RPS6KA2: variants seen among roughly 807,000 people sequenced by gnomAD.
RPS6KA2 encodes ribosomal protein S6 kinase alpha-2.
A neutral mutation model predicts 91.8 loss-of-function variants in RPS6KA2; 42 were observed. That is an observed-to-expected ratio of 0.46 (90% CI 0.36 to 0.59). The LOEUF (loss-of-function observed/expected upper bound fraction) is 0.59, where lower values mean the gene tolerates loss of function less well. RPS6KA2 is among the 20% of genes least tolerant of loss of function. The probability of loss-of-function intolerance (pLI) is 0.00; values close to 1 mark genes in which losing one functional copy is unlikely to be tolerated. For missense variants in RPS6KA2, 798 were observed against 978.5 expected (o/e 0.82, Z 2.46); for synonymous variants, 414 against 393.6 (o/e 1.05, Z -0.61).
At chr6:166,453,037 A>G (rs1045059077) in intron 12 of RPS6KA2, among the ~76,000 whole-genome samples, 5 of 152,152 alleles carry the variant, frequency 3.3e-5, no homozygotes, top group East Asian at 1.9e-4. Context: ...GTCTCTACTA[A>G]AAATACAAAA....
At chr6:166,753,211 G>A (rs1777901704) in intron 2 of RPS6KA2, among the ~76,000 whole-genome samples, 2 of 152,114 alleles carry the variant, frequency 1.3e-5, no homozygotes, top group Admixed American at 1.3e-4. Flanking sequence ...GGTATAACCG[G>A]AGCACCCAGT....
At chr6:166,525,306 C>T (rs939789724) in intron 3 of RPS6KA2, among the ~76,000 whole-genome samples, 20 of 152,138 alleles carry the variant, frequency 1.3e-4, no homozygotes, top group African/African-American at 4.8e-4. Flanking sequence ...AATATGGAAG[C>T]TTTGTCAAGT....
At chr6:166,681,246 T>C (rs1484669661) in intron 2 of RPS6KA2, among the ~76,000 whole-genome samples, 1 of 152,154 alleles carries the variant, frequency 6.6e-6, no homozygotes, top group Non-Finnish European at 1.5e-5. Flanking sequence ...GCTTAAGAAA[T>C]AGATGCCATA....
intron 1 of RPS6KA2, among the ~76,000 whole-genome samples, chr6:166,609,883 A>G (rs972110636): frequency 6.6e-6 from 1 of 152,078 alleles, no homozygotes; most frequent in African/African-American, 2.4e-5. Flanking sequence ...GAAATTTACA[A>G]ACTGGAATAC....
At chr6:166,617,386 C>G (rs1026899696) in intron 1 of RPS6KA2, among the ~76,000 whole-genome samples, 1 of 152,012 alleles carries the variant, frequency 6.6e-6, no homozygotes. Flanking sequence ...CAAAGTTGTT[C>G]GGGGATTTTT....
chr6:166,450,857 C>A (rs1003451659), intron 13 of RPS6KA2, among the ~76,000 whole-genome samples: 25 of 151,978 alleles, frequency 1.6e-4, no homozygotes, highest in African/African-American at 6.0e-4. Flanking sequence ...AATGTGAGAC[C>A]ATCACAGGAA....
upstream of RPS6KA2, chr6:166,627,814 G>A (rs1300498893): frequency 6.6e-6 from 1 of 152,232 alleles, no homozygotes; most frequent in Non-Finnish European, 1.5e-5. Context: ...TTGTCATCAT[G>A]TTTTTCTCTG....
chr6:166,707,594 G>T (rs147006583), intron 2 of RPS6KA2, among the ~76,000 whole-genome samples: 119 of 152,264 alleles, frequency 7.8e-4, no homozygotes, highest in Middle Eastern at 6.8e-3. Context: ...AAGGCCCAGG[G>T]TCATTATAAA....
intron 14 of RPS6KA2, among the ~76,000 whole-genome samples, chr6:166,438,235 T>C (rs1779403633): frequency 6.6e-6 from 1 of 152,250 alleles, no homozygotes; most frequent in Non-Finnish European, 1.5e-5. Flanking sequence ...CTTCTAAAAA[T>C]AAGCTCTATT....
At chr6:166,562,684 C>T (rs747219649) in intron 1 of RPS6KA2, among the ~76,000 whole-genome samples, 8 of 152,218 alleles carry the variant, frequency 5.3e-5, no homozygotes, top group Non-Finnish European at 1.0e-4. Context: ...AAGACAAACC[C>T]GTTACCCATA....
At chr6:166,738,992 T>A (rs1247706236) in intron 2 of RPS6KA2, among the ~76,000 whole-genome samples, 1 of 152,178 alleles carries the variant, frequency 6.6e-6, no homozygotes, top group Non-Finnish European at 1.5e-5. Flanking sequence ...GGTTTCCAAA[T>A]GTGAACAACT....
At chr6:166,862,379 G>A (rs1294285860) in exon 1 of RPS6KA2, 8 of 1,406,294 alleles carry the variant, frequency 5.7e-6, no homozygotes, top group Middle Eastern at 5.4e-4. Context: ...GGGACCCGGG[G>A]GGCTGCAATA....
chr6:166,587,026 C>T (rs1456599768), intron 1 of RPS6KA2, among the ~76,000 whole-genome samples: 1 of 152,216 alleles, frequency 6.6e-6, no homozygotes. Context: ...CTCTTTCCCC[C>T]CACAGCTAAC....
At chr6:166,779,239 A>G (rs1411467614) in intron 2 of RPS6KA2, among the ~76,000 whole-genome samples, 2 of 149,724 alleles carry the variant, frequency 1.3e-5, no homozygotes, top group East Asian at 3.9e-4. Flanking sequence ...TGTCATCAGC[A>G]GGGGTCAATC....
intron 1 of RPS6KA2, among the ~76,000 whole-genome samples, chr6:166,565,468 T>C (rs948004622): frequency 1.9e-4 from 29 of 152,248 alleles, no homozygotes; most frequent in Non-Finnish European, 5.9e-5. Flanking sequence ...GCTTTGCTGG[T>C]GTGGCTGGCC....
rs1781707074 is a variant in RPS6KA2 at position 166,494,329 on chromosome 6, T to C, written c.748-3588A>G. Among the ~76,000 whole-genome samples, 1 of 152,152 alleles carries C rather than the reference T, an allele frequency of 6.6e-6. No homozygotes were observed. Among genetic ancestry groups the C allele is most frequent in the Admixed American group, 6.5e-5 (1 of 15,280 alleles). On this transcript the variant is annotated intron_variant, in intron 8 of 20. Transcript: ENST00000265678. The surrounding 1 kb of genome is among the most constrained non-coding windows in gnomAD (Gnocchi z 5.1). ...CTCAAAACAGCCTTGGAAGGTGCCG[T>C]TCCTCACAACCGTCTACAGATGAAT...
Position 166,862,304 on chromosome 6 carries a change from G to T in RPS6KA2, c.-134C>A, listed in dbSNP as rs566492941. On this transcript the variant is annotated 5_prime_UTR_variant, in exon 1 of 22. Transcript: ENST00000503859. The stretch of plus-strand genomic sequence containing the variant: ...GACGCAGAGGCCGGCGGGTGGCGGC[G>T]ATGGAGAGGACAGATCCGGCTCCCA... 1.0e-5 allele frequency: 16 copies of T among 1,555,080 alleles called. No individual in the cohort carries two copies. In the East Asian group the frequency reaches 3.7e-4, roughly 36 times the overall value.
At chr6:166,478,314 T>A (rs1233187564) in intron 10 of RPS6KA2, among the ~76,000 whole-genome samples, 1 of 152,184 alleles carries the variant, frequency 6.6e-6, no homozygotes, top group Non-Finnish European at 1.5e-5. Context: ...CTACACAGAT[T>A]TCCATCATAA....
chr6:166,437,383 C>G lies in RPS6KA2; in HGVS notation c.1333-4893G>C, dbSNP rs554400241. On this transcript the variant is annotated intron_variant, in intron 14 of 20. Coordinates refer to ENST00000265678, the MANE Select transcript of RPS6KA2 (RefSeq NM_021135.6). This position sits in a 1 kb window ranked among gnomAD's most constrained non-coding sequence, Gnocchi z 4.3. ...CAACAAAACAGGGAGGCCTTCTCAGCAAGCGTGGTGATGAACAAGGCCTCC... is the reference window on the plus strand; with the variant it reads ...CAACAAAACAGGGAGGCCTTCTCAGGAAGCGTGGTGATGAACAAGGCCTCC... Among the ~76,000 whole-genome samples, 1 of 152,230 alleles carries G rather than the reference C, an allele frequency of 6.6e-6. No homozygotes were observed. Among genetic ancestry groups the G allele is most frequent in the African/African-American group, 2.4e-5 (1 of 41,456 alleles).
Sources: allele counts gnomAD v4.1 joint callset (sites outside exome capture counted in the v4.1 genomes callset), GRCh38; gene constraint gnomAD v4.1.1; non-coding constraint Gnocchi (gnomAD v3.1); transcripts MANE v1.5; gene names NCBI Gene and HGNC (gene_info 2026-07-23, HGNC 2026-07-21).